Variants in HS3ST4 observed in about 807,000 individuals in gnomAD.
HS3ST4 encodes heparan sulfate-glucosamine 3-sulfotransferase 4.
HS3ST4 carries 17 observed loss-of-function variants against 29.2 expected under a neutral mutation model. The observed-to-expected ratio is 0.58, with a 90% CI of 0.40 to 0.87. The LOEUF is 0.87. HS3ST4 is among the 40% of genes least tolerant of loss of function. The pLI is 0.00. For missense variants in HS3ST4, 627 were observed against 634.5 expected, an observed-to-expected ratio of 0.99 and a Z score of 0.13; for synonymous variants, 314 against 285.7, an observed-to-expected ratio of 1.10 and a Z score of -1.00.
chr16:25,936,958 A>G (rs927637673), intron 1 of HS3ST4, among the ~76,000 whole-genome samples: 1 of 152,196 alleles, frequency 6.6e-6, no homozygotes, highest in South Asian at 2.1e-4. Context: ...GTACCACCAA[A>G]TATTTGGCAT....
At chr16:25,934,131 G>C (rs895543419) in intron 1 of HS3ST4, among the ~76,000 whole-genome samples, 1 of 152,192 alleles carries the variant, frequency 6.6e-6, no homozygotes, top group South Asian at 2.1e-4. Flanking sequence ...TGACTGGTTT[G>C]TAAGTGTCTG....
intron 1 of HS3ST4, among the ~76,000 whole-genome samples, chr16:25,910,229 T>A (rs1968223377): frequency 6.6e-6 from 1 of 152,182 alleles, no homozygotes; most frequent in African/African-American, 2.4e-5. Context: ...AGTTGGCAGC[T>A]CTCCGTAAAG....
chr16:25,874,199 G>A (rs181285334), intron 1 of HS3ST4, among the ~76,000 whole-genome samples: 208 of 152,012 alleles, frequency 1.4e-3, no homozygotes, highest in African/African-American at 4.1e-3. Flanking sequence ...GTAAATATTT[G>A]TTGAATTGAG....
chr16:25,717,432 C>A (rs1966461668), intron 1 of HS3ST4, among the ~76,000 whole-genome samples: 1 of 151,492 alleles, frequency 6.6e-6, no homozygotes, highest in African/African-American at 2.4e-5. Context: ...AGAGATCTAA[C>A]CTATTGGAGG....
chr16:25,907,784 T>C (rs1968194143), intron 1 of HS3ST4, among the ~76,000 whole-genome samples: 23 of 152,206 alleles, frequency 1.5e-4, no homozygotes, highest in Admixed American at 1.5e-3. Context: ...TCCAACAGGC[T>C]TCATTGATTT....
chr16:25,844,240 G>A (rs928350196), intron 1 of HS3ST4, among the ~76,000 whole-genome samples: 16 of 152,220 alleles, frequency 1.1e-4, no homozygotes, highest in East Asian at 9.7e-4. Flanking sequence ...CTCTAAGATC[G>A]TTGTTTATGC....
At chr16:25,901,250 A>G (rs1161991098) in intron 1 of HS3ST4, among the ~76,000 whole-genome samples, 1 of 152,192 alleles carries the variant, frequency 6.6e-6, no homozygotes, top group Non-Finnish European at 1.5e-5. Flanking sequence ...TCCCAGGGCC[A>G]TGTAAAAATG....
intron 1 of HS3ST4, among the ~76,000 whole-genome samples, chr16:25,969,719 G>A (rs930498284): frequency 2.0e-4 from 30 of 152,182 alleles, no homozygotes; most frequent in Admixed American, 7.2e-4. Context: ...CTGCAGATGT[G>A]GCAGTTTTGT....
intron 1 of HS3ST4, among the ~76,000 whole-genome samples, chr16:26,083,643 T>C (rs1327428600): frequency 1.3e-5 from 2 of 152,190 alleles, no homozygotes; most frequent in Non-Finnish European, 2.9e-5. Context: ...AAGCAGATGC[T>C]GGGCCATATT....
intron 1 of HS3ST4, among the ~76,000 whole-genome samples, chr16:25,923,240 G>A (rs888579784): frequency 1.3e-5 from 2 of 152,178 alleles, no homozygotes; most frequent in Non-Finnish European, 2.9e-5. Context: ...AGGGTTTCTT[G>A]TGAGTTTTTT....
chr16:25,754,841 C>A (rs891209423), intron 1 of HS3ST4, among the ~76,000 whole-genome samples: 1 of 151,898 alleles, frequency 6.6e-6, no homozygotes, highest in African/African-American at 2.4e-5. Context: ...CATAACCAAA[C>A]CATATCACCA....
chr16:25,734,103 C>T (rs899542724), intron 1 of HS3ST4, among the ~76,000 whole-genome samples: 6 of 152,044 alleles, frequency 3.9e-5, no homozygotes, highest in African/African-American at 2.4e-5. Flanking sequence ...GGTGACAGAG[C>T]GAGACTCCGT....
intron 1 of HS3ST4, among the ~76,000 whole-genome samples, chr16:25,965,929 T>G (rs886871364): frequency 6.6e-6 from 1 of 152,198 alleles, no homozygotes; most frequent in Non-Finnish European, 1.5e-5. Context: ...TCCTCCCACC[T>G]GGGCCTCCCA....
At chr16:25,765,323 G>C (rs531913589) in intron 1 of HS3ST4, among the ~76,000 whole-genome samples, 2 of 152,180 alleles carry the variant, frequency 1.3e-5, no homozygotes, top group Non-Finnish European at 2.9e-5. Flanking sequence ...CGGAGACGCC[G>C]CTGGGAAGCC....
At chr16:25,936,444 TTG>T (rs1223174914) in intron 1 of HS3ST4, among the ~76,000 whole-genome samples, 1 of 152,214 alleles carries the variant, frequency 6.6e-6, no homozygotes, top group Non-Finnish European at 1.5e-5. Flanking sequence ...TGCAAAAATC[TTG>T]TGTTAGGTCT....
At chr16:26,088,022 A>G (rs1486258484) in intron 1 of HS3ST4, among the ~76,000 whole-genome samples, 1 of 152,160 alleles carries the variant, frequency 6.6e-6, no homozygotes, top group Non-Finnish European at 1.5e-5. Flanking sequence ...ATGATTTTCT[A>G]GTTCTTTCCA....
intron 1 of HS3ST4, among the ~76,000 whole-genome samples, chr16:25,911,004 G>A (rs1246970540): frequency 6.6e-6 from 1 of 152,132 alleles, no homozygotes; most frequent in African/African-American, 2.4e-5. Flanking sequence ...CAAAATAATT[G>A]TAAGTAACTT....
chr16:25,919,760 ACT>A, intron 1 of HS3ST4, among the ~76,000 whole-genome samples: 1 of 152,196 alleles, frequency 6.6e-6, no homozygotes, highest in East Asian at 1.9e-4. Context: ...CTTTGCCTAA[ACT>A]CTGCTGAGAG....
intron 1 of HS3ST4, among the ~76,000 whole-genome samples, chr16:25,751,274 T>C (rs1194665345): frequency 6.6e-6 from 1 of 152,136 alleles, no homozygotes; most frequent in Non-Finnish European, 1.5e-5. Context: ...GATGGATGTG[T>C]GTATTTATGT....
Sources: gnomAD v4.1 joint callset for allele counts (sites outside exome capture counted in the v4.1 genomes callset) on GRCh38, gnomAD v4.1.1 for gene constraint, MANE v1.5 for transcripts, NCBI Gene and HGNC (gene_info 2026-07-23, HGNC 2026-07-21) for gene names.